The following PPP1R12B variants were observed in gnomAD, a reference collection of about 807,000 sequenced individuals.
PPP1R12B encodes myosin phosphatase target subunit 2.
In PPP1R12B, 76 loss-of-function variants were observed where a neutral mutation model predicts 126.1. That is an observed-to-expected ratio of 0.60 (90% CI 0.50 to 0.73). The LOEUF (loss-of-function observed/expected upper bound fraction) is 0.73, where lower values mean the gene tolerates loss of function less well. Among genes scored for constraint, PPP1R12B ranks in the 30% least tolerant of loss-of-function variants. PPP1R12B has a pLI of 0.00. For missense variants in PPP1R12B, 1,052 were observed against 1,205.1 expected (o/e 0.87, Z 1.88); for synonymous variants, 356 against 434.7 (o/e 0.82, Z 2.25).
At chr1:202,491,435 C>T (rs1032917187) in intron 14 of PPP1R12B, among the ~76,000 whole-genome samples, 18 of 152,172 alleles carry the variant, frequency 1.2e-4, no homozygotes, top group African/African-American at 4.3e-4. Flanking sequence ...AGGTGTGAGC[C>T]ACCATGCCCA....
chr1:202,413,028 G>T (rs1667609121), intron 1 of PPP1R12B, among the ~76,000 whole-genome samples: 1 of 151,978 alleles, frequency 6.6e-6, no homozygotes, highest in Admixed American at 6.6e-5. Flanking sequence ...TGTGGAAGTT[G>T]ATAAACCTAA....
chr1:202,385,939 CTTTTTTT>C (rs879660179), intron 1 of PPP1R12B, among the ~76,000 whole-genome samples: 32 of 144,720 alleles, frequency 2.2e-4, no homozygotes, highest in Non-Finnish European at 4.1e-4. Context: ...TTTCTTTTTT[CTTTTTTT>C]TTTTTGAGAC....
intron 18 of PPP1R12B, among the ~76,000 whole-genome samples, chr1:202,549,608 C>T (rs1365206672): frequency 2.6e-5 from 4 of 151,828 alleles, no homozygotes; most frequent in African/African-American, 9.7e-5. Flanking sequence ...TTAGTAGAGA[C>T]GGGGTTTCAC....
At chr1:202,475,890 G>T (rs1676578256) in intron 13 of PPP1R12B, among the ~76,000 whole-genome samples, 1 of 151,854 alleles carries the variant, frequency 6.6e-6, no homozygotes, top group Non-Finnish European at 1.5e-5. Flanking sequence ...TTTTGTCGAT[G>T]TAATCTTATG....
chr1:202,567,728 TG>T (rs1301561963), intron 21 of PPP1R12B, 49 bp from the exon 22 acceptor site: 2 of 1,588,460 alleles, frequency 1.3e-6, no homozygotes, highest in Non-Finnish European at 1.7e-6. Context: ...GGCGTTCTAC[TG>T]GCCCTTAGAC....
chr1:202,567,646 C>G (rs921457623), intron 21 of PPP1R12B, 132 bp from the exon 22 acceptor site: 1 of 853,260 alleles, frequency 1.2e-6, no homozygotes, highest in Admixed American at 2.5e-5. Context: ...TGCTGGGGAT[C>G]CCTGCTATAG....
intron 1 of PPP1R12B, among the ~76,000 whole-genome samples, chr1:202,391,476 TCAAA>T (rs915063825): frequency 1.1e-4 from 17 of 152,254 alleles, no homozygotes; most frequent in African/African-American, 4.1e-4. Context: ...TGGCAGTTCC[TCAAA>T]CAATTAAGCA....
chr1:202,424,496 G>A (rs1286489591), intron 3 of PPP1R12B, among the ~76,000 whole-genome samples: 2 of 151,924 alleles, frequency 1.3e-5, no homozygotes, highest in African/African-American at 4.8e-5. Flanking sequence ...GCTCATTTTT[G>A]TATTTTTGGT....
At chr1:202,544,787 G>A (rs964855768) in intron 18 of PPP1R12B, among the ~76,000 whole-genome samples, 2 of 152,158 alleles carry the variant, frequency 1.3e-5, no homozygotes, top group African/African-American at 4.8e-5. Flanking sequence ...TGCATAAAGG[G>A]AACATTTAAT....
At chr1:202,528,111 G>A (rs1414217692) in intron 18 of PPP1R12B, among the ~76,000 whole-genome samples, 1 of 152,090 alleles carries the variant, frequency 6.6e-6, no homozygotes, top group Non-Finnish European at 1.5e-5. Flanking sequence ...GCATGTATCC[G>A]TAAGATAGCT....
intron 23 of PPP1R12B, chr1:202,576,997 G>A (rs1054035131): frequency 5.9e-5 from 9 of 152,162 alleles, no homozygotes; most frequent in Non-Finnish European, 1.2e-4. Flanking sequence ...TGTTAAGCAT[G>A]TGGCCCAAAC....
intron 10 of PPP1R12B, chr1:202,438,630 C>T (rs1671167984): frequency 5.7e-6 from 3 of 522,250 alleles, no homozygotes; most frequent in Non-Finnish European, 1.1e-5. Context: ...CCGCCCCGTC[C>T]CTGGCCCCGG....
chr1:202,542,917 A>C (rs540820894), intron 18 of PPP1R12B, among the ~76,000 whole-genome samples: 2 of 152,292 alleles, frequency 1.3e-5, no homozygotes, highest in Non-Finnish European at 1.5e-5. Context: ...TAGAGATGGC[A>C]CAGAGTTACA....
chr1:202,562,921 A>G lies in PPP1R12B; in HGVS notation c.2651A>G (p.Lys884Arg), dbSNP rs1687678660. 6.4e-7 allele frequency: 1 copy of G among 1,564,524 alleles called. No homozygotes were observed. The highest frequency in any genetic ancestry group is 1.7e-4 in the Middle Eastern group (1 of 5,784). Residue 884 changes from lysine to arginine, a missense_variant and splice_region_variant, in exon 20 of 24, where the codon AAA (lysine) becomes AGA (arginine). Coordinates refer to ENST00000608999, the MANE Select transcript of PPP1R12B (RefSeq NM_002481.4). Reference protein sequence around the residue: ...VEEDSNRDYKKLYESALTENQ... With the variant: ...VEEDSNRDYKRLYESALTENQ... ...GAAGACAGCAACAGAGATTATAAAA[A>G]AGTAGGGTCTTTATTCAATTTTCCG...
chr1:202,406,526 C>T (rs1320116361), intron 1 of PPP1R12B, among the ~76,000 whole-genome samples: 1 of 151,952 alleles, frequency 6.6e-6, no homozygotes, highest in African/African-American at 2.4e-5. Flanking sequence ...GTTTCTTGAC[C>T]CTGGCCATGA....
chr1:202,516,938 C>T (rs536334292), intron 18 of PPP1R12B, among the ~76,000 whole-genome samples: 7 of 152,338 alleles, frequency 4.6e-5, no homozygotes, highest in African/African-American at 1.7e-4. Flanking sequence ...TGTCAGTTTT[C>T]ATCAGGTTCT....
chr1:202,441,134 A>G (rs113429561), intron 11 of PPP1R12B, among the ~76,000 whole-genome samples: 94 of 152,312 alleles, frequency 6.2e-4, no homozygotes, highest in African/African-American at 2.1e-3. Context: ...TGCCTAACAC[A>G]TAGTAAACAC....
chr1:202,455,221 G>T (rs1328232495), intron 13 of PPP1R12B, among the ~76,000 whole-genome samples: 3 of 147,120 alleles, frequency 2.0e-5, no homozygotes, highest in Non-Finnish European at 4.5e-5. Flanking sequence ...GAGAGAGAGA[G>T]AATTCACATA....
At chr1:202,420,613 G>T (rs75489385) in intron 2 of PPP1R12B, among the ~76,000 whole-genome samples, 4,223 of 152,292 alleles carry the variant, frequency 0.028, 202 homozygotes, top group African/African-American at 0.095. Flanking sequence ...GGTTGGGGAG[G>T]TGTAGCTGAA....
Sources: gnomAD v4.1 joint callset for allele counts (sites outside exome capture counted in the v4.1 genomes callset) on GRCh38, gnomAD v4.1.1 for gene constraint, MANE v1.5 for transcripts, NCBI Gene and HGNC (gene_info 2026-07-23, HGNC 2026-07-21) for gene names.